PAK1: variants seen among roughly 807,000 people sequenced by gnomAD.
The protein encoded by PAK1 is p21 (RAC1) activated kinase 1, also known as serine/threonine-protein kinase PAK 1.
In PAK1, 29 loss-of-function variants were observed where a neutral mutation model predicts 67.4. That is an observed-to-expected ratio of 0.43 (90% CI 0.32 to 0.59). The LOEUF (loss-of-function observed/expected upper bound fraction) is 0.59. PAK1 is among the 20% of genes least tolerant of loss of function. The probability of loss-of-function intolerance (pLI) is 0.07; values close to 1 mark genes in which losing one functional copy is unlikely to be tolerated. For synonymous variants in PAK1, 223 were observed against 237.4 expected (o/e 0.94, Z 0.56); for missense variants, 337 against 670.7 (o/e 0.50, Z 5.50).
At chr11:77,349,446 A>G (rs575508151) in intron 8 of PAK1, 159 bp from the exon 9 acceptor site, 38 of 665,342 alleles carry the variant, frequency 5.7e-5, no homozygotes, top group Non-Finnish European at 6.5e-5. Context: ...TTAAGAAGCT[A>G]TAAGAGGTAG....
At chr11:77,470,041 A>C (rs1957778024) in intron 1 of PAK1, among the ~76,000 whole-genome samples, 1 of 152,144 alleles carries the variant, frequency 6.6e-6, no homozygotes, top group African/African-American at 2.4e-5. Context: ...TCTTTTGATA[A>C]CCTTAAACTT....
chr11:77,507,246 A>C, the PAK1 span, among the ~76,000 whole-genome samples: 13 of 152,304 alleles, frequency 8.5e-5, no homozygotes, highest in Admixed American at 3.3e-4. Flanking sequence ...ATGAGTGGCC[A>C]GAGATGGGGA....
chr11:77,383,321 ATTT>A (rs1162924725), intron 2 of PAK1, among the ~76,000 whole-genome samples: 9 of 135,622 alleles, frequency 6.6e-5, no homozygotes, highest in East Asian at 2.1e-4. Context: ...GTACTGTGTA[ATTT>A]TTTTTTTTTT....
chr11:77,375,140 T>C (rs1948925440), intron 4 of PAK1, among the ~76,000 whole-genome samples: 1 of 152,230 alleles, frequency 6.6e-6, no homozygotes, highest in African/African-American at 2.4e-5. Flanking sequence ...GACTGTTATT[T>C]GCCCAGGGTA....
chr11:77,340,606 G>A, intron 11 of PAK1, 40 bp downstream of exon 11: 1 of 970,442 alleles, frequency 1.0e-6, no homozygotes, highest in Non-Finnish European at 1.7e-6. Flanking sequence ...GGAATATGGA[G>A]GCAGCTTTCT....
At chr11:77,487,618 C>G in the PAK1 span, among the ~76,000 whole-genome samples, 2 of 151,984 alleles carry the variant, frequency 1.3e-5, no homozygotes. Context: ...GACTGAAGAG[C>G]CTTGGGTCTT....
intron 6 of PAK1, among the ~76,000 whole-genome samples, chr11:77,357,789 C>T (rs953542852): frequency 1.3e-5 from 2 of 152,134 alleles, no homozygotes; most frequent in Non-Finnish European, 2.9e-5. Flanking sequence ...TATTTACTGT[C>T]CTCTGATATT....
intron 8 of PAK1, among the ~76,000 whole-genome samples, chr11:77,350,695 C>T (rs1054497260): frequency 2.0e-5 from 3 of 152,134 alleles, no homozygotes; most frequent in African/African-American, 7.2e-5. Context: ...GTAAGCATGC[C>T]TTGCAGCTAG....
chr11:77,497,830 G>A, the PAK1 span, among the ~76,000 whole-genome samples: 1 of 152,180 alleles, frequency 6.6e-6, no homozygotes, highest in Non-Finnish European at 1.5e-5. Flanking sequence ...AATGCTGTAT[G>A]CAAGTGTTTT....
At chr11:77,336,423 G>T (rs779314200) in intron 12 of PAK1, 141 bp from the exon 13 acceptor site, 6 of 535,324 alleles carry the variant, frequency 1.1e-5, no homozygotes, top group Non-Finnish European at 2.0e-5. Context: ...AAAGTCACTT[G>T]ACTACCACCT....
In PAK1 at chr11:77,354,254, T is replaced by TC. The variant is rs61283992; in HGVS notation, c.773-656dup. 3.3e-5 allele frequency among the ~76,000 whole-genome samples: 5 copies of TC among 151,952 alleles called. No individual in the cohort carries two copies. In the East Asian group the frequency reaches 5.8e-4, roughly 18 times the overall value. The stretch of plus-strand genomic sequence containing the variant: ...GGCCCACAGAAGGGAAGAAGATACT[T>TC]CCCCCCCAAGGTCACACAGCAAATT... On this transcript the variant is annotated intron_variant, in intron 7 of 14. Transcript: ENST00000356341.
chr11:77,458,747 T>C (rs1221276487), intron 1 of PAK1, among the ~76,000 whole-genome samples: 1 of 152,180 alleles, frequency 6.6e-6, no homozygotes, highest in African/African-American at 2.4e-5. Flanking sequence ...ATACTAATTA[T>C]AGTGCAAAGG....
chr11:77,431,696 G>A (rs1314021101), intron 1 of PAK1, among the ~76,000 whole-genome samples: 2 of 152,102 alleles, frequency 1.3e-5, no homozygotes, highest in East Asian at 3.8e-4. Flanking sequence ...CTATCAAAAT[G>A]GCACTCTTCA....
chr11:77,453,678 G>A (rs1173167370), intron 1 of PAK1, among the ~76,000 whole-genome samples: 1 of 152,200 alleles, frequency 6.6e-6, no homozygotes, highest in East Asian at 1.9e-4. Flanking sequence ...AAAAGGAACT[G>A]CACTATCCCT....
At chr11:77,368,472 G>C (rs895396122) in intron 5 of PAK1, among the ~76,000 whole-genome samples, 5 of 152,094 alleles carry the variant, frequency 3.3e-5, no homozygotes, top group African/African-American at 1.2e-4. Flanking sequence ...GCTACTAGAG[G>C]ATATGCTCCA....
At chr11:77,446,531 A>AAG (rs1555172692) in intron 1 of PAK1, among the ~76,000 whole-genome samples, 15 of 150,950 alleles carry the variant, frequency 9.9e-5, no homozygotes, top group African/African-American at 3.2e-4. Context: ...AAAAAAAAAA[A>AAG]AAAGAAAGTT....
At chr11:77,332,337 AAG>A (rs1167705635) in intron 14 of PAK1, among the ~76,000 whole-genome samples, 4 of 170 alleles carry the variant, frequency 0.024, no homozygotes, top group Admixed American at 0.071. Context: ...GGGGAGAGGG[AAG>A]AGGGGGGGGA....
chr11:77,334,770 C>T (rs1276664598), intron 13 of PAK1, among the ~76,000 whole-genome samples: 1 of 152,116 alleles, frequency 6.6e-6, no homozygotes, highest in Non-Finnish European at 1.5e-5. Flanking sequence ...CCTCCCTTGA[C>T]TCCATTTTAA....
At chr11:77,475,323 T>G (rs1319223944), upstream of PAK1, 1 of 152,250 alleles carries the variant, frequency 6.6e-6, no homozygotes, top group Non-Finnish European at 1.5e-5. Flanking sequence ...TACCACCACC[T>G]GAACAACTGG....
Sources: allele counts gnomAD v4.1 joint callset (sites outside exome capture counted in the v4.1 genomes callset), GRCh38; gene constraint gnomAD v4.1.1; transcripts MANE v1.5; gene names NCBI Gene and HGNC (gene_info 2026-07-23, HGNC 2026-07-21).